The following ERGIC1 variants were observed in gnomAD, a reference collection of about 807,000 sequenced individuals.
ERGIC1 encodes the protein endoplasmic reticulum-golgi intermediate compartment 1, also known as endoplasmic reticulum-Golgi intermediate compartment protein 1.
A neutral mutation model predicts 38.3 loss-of-function variants in ERGIC1; 19 were observed. That is an observed-to-expected ratio of 0.50 (90% CI 0.35 to 0.73). ERGIC1 has a LOEUF of 0.73. Ranked by LOEUF, ERGIC1 falls within the 30% of genes least tolerant of loss-of-function variation. ERGIC1 has a pLI of 0.01. For missense variants in ERGIC1, 294 were observed against 389.2 expected (o/e 0.76, Z 2.06); for synonymous variants, 124 against 157.6 (o/e 0.79, Z 1.60).
At chr5:172,915,954 A>T (rs1763354425) in intron 5 of ERGIC1, 2 of 217,516 alleles carry the variant, frequency 9.2e-6, no homozygotes, top group African/African-American at 4.7e-5. Context: ...CATCAGAACC[A>T]GTATGAAAAG....
chr5:172,884,399 G>A (rs1184765960), intron 1 of ERGIC1, among the ~76,000 whole-genome samples: 2 of 151,800 alleles, frequency 1.3e-5, no homozygotes, highest in African/African-American at 2.4e-5. Flanking sequence ...ACACCACCAC[G>A]CCCAACTTTT....
At chr5:172,899,288 C>T (rs1006120272) in intron 3 of ERGIC1, among the ~76,000 whole-genome samples, 2 of 148,346 alleles carry the variant, frequency 1.3e-5, no homozygotes, top group Non-Finnish European at 3.0e-5. Context: ...TTCTGAGCTG[C>T]CAGGTAGAAT....
At chr5:172,944,421 C>T (rs1032794128) in intron 9 of ERGIC1, among the ~76,000 whole-genome samples, 5 of 151,964 alleles carry the variant, frequency 3.3e-5, no homozygotes, top group African/African-American at 7.3e-5. Flanking sequence ...TGCAGTGGCA[C>T]GATCTTGGCT....
At chr5:172,902,889 A>G (rs768839973) in intron 3 of ERGIC1, among the ~76,000 whole-genome samples, 14 of 152,088 alleles carry the variant, frequency 9.2e-5, no homozygotes, top group Non-Finnish European at 1.5e-4. Flanking sequence ...CAAAAAGCAA[A>G]TAAAATTGTT....
At chr5:172,906,474 G>C (rs1049473200) in intron 3 of ERGIC1, among the ~76,000 whole-genome samples, 3 of 152,162 alleles carry the variant, frequency 2.0e-5, no homozygotes, top group Non-Finnish European at 4.4e-5. Context: ...AGGCCCATCT[G>C]TTGCACTCTT....
chr5:172,921,840 G>A (rs1433756889), intron 5 of ERGIC1, among the ~76,000 whole-genome samples: 1 of 152,226 alleles, frequency 6.6e-6, no homozygotes, highest in Non-Finnish European at 1.5e-5. Context: ...CTGCCCAGAT[G>A]CCTTTCGCTC....
At position 172,846,487 on chromosome 5, in the gene ERGIC1, T is replaced by C. The variant is rs1012547040; in HGVS notation, c.20+12054T>C. ...AGTCATGATCTCATTTCACCATCAT[T>C]ACACACCTGCATGGTAGGAGGAACT... is the stretch of plus-strand genomic sequence containing the variant. On this transcript the variant is annotated intron_variant, in intron 1 of 9. Coordinates refer to ENST00000393784, the MANE Select transcript of ERGIC1 (RefSeq NM_001031711.3). The surrounding 1 kb of genome is among the most constrained non-coding windows in gnomAD (Gnocchi z 4.0). 1.3e-5 allele frequency among the ~76,000 whole-genome samples: 2 copies of C among 152,146 alleles called. No individual in the cohort carries two copies. The highest frequency in any genetic ancestry group is 2.9e-5 in the Non-Finnish European group (2 of 68,028).
At chr5:172,847,351 G>C (rs1480603691) in intron 1 of ERGIC1, among the ~76,000 whole-genome samples, 1 of 152,200 alleles carries the variant, frequency 6.6e-6, no homozygotes, top group African/African-American at 2.4e-5. Flanking sequence ...CAGTCTAGCA[G>C]TGTGCCCAGA....
intron 1 of ERGIC1, among the ~76,000 whole-genome samples, chr5:172,879,323 CTG>C (rs1275134825): frequency 2.0e-5 from 3 of 152,224 alleles, no homozygotes; most frequent in African/African-American, 7.2e-5. Flanking sequence ...ATTCCTCACT[CTG>C]TAGGCAAGAT....
chr5:172,915,072 C>G, intron 5 of ERGIC1: 1 of 725,224 alleles, frequency 1.4e-6, no homozygotes, highest in South Asian at 1.5e-5. Flanking sequence ...ACTCTTCTCT[C>G]CAGTGAGGGG....
chr5:172,865,513 A>G (rs937593112), intron 1 of ERGIC1, among the ~76,000 whole-genome samples: 2 of 152,216 alleles, frequency 1.3e-5, no homozygotes, highest in African/African-American at 2.4e-5. Flanking sequence ...TATCTTAAGT[A>G]TACAGCTCAA....
rs958256526 is a variant in ERGIC1, at chr5:172,951,465, A to C, written c.*649A>C. ...CCACCCCTTTCTTGTTCTTCCAAGA[A>C]GCAGATGCCCAGTTGCTCAGCAGCA... On this transcript the variant is annotated 3_prime_UTR_variant, in exon 10 of 10. Transcript: ENST00000393784. 6.6e-6 allele frequency: 1 copy of C among 152,380 alleles called. No individual in the cohort carries two copies. The highest frequency in any genetic ancestry group is 1.5e-5 in the Non-Finnish European group (1 of 68,172). 9.4% of individuals were successfully genotyped at this position (152,380 alleles called of 1,614,324 possible).
chr5:172,843,090 G>C (rs1212622378), intron 1 of ERGIC1, among the ~76,000 whole-genome samples: 1 of 152,200 alleles, frequency 6.6e-6, no homozygotes, highest in African/African-American at 2.4e-5. Context: ...AGGTTGCAGT[G>C]AGCCGAGATT....
At chr5:172,857,989 G>A (rs1761597984) in intron 1 of ERGIC1, among the ~76,000 whole-genome samples, 1 of 152,158 alleles carries the variant, frequency 6.6e-6, no homozygotes, top group African/African-American at 2.4e-5. Flanking sequence ...CTGCCCTCAT[G>A]GAGTCTTGGG....
At chr5:172,920,191 C>T (rs965563492) in intron 5 of ERGIC1, among the ~76,000 whole-genome samples, 6 of 152,130 alleles carry the variant, frequency 3.9e-5, no homozygotes, top group African/African-American at 9.7e-5. Context: ...GAGTAGAGAC[C>T]GTCCCCCACC....
intron 4 of ERGIC1, 68 bp downstream of exon 4, chr5:172,909,829 A>G: frequency 4.3e-6 from 6 of 1,399,012 alleles, no homozygotes; most frequent in Non-Finnish European, 6.1e-6. Context: ...GTGTGCAGAA[A>G]TGGCAAGATC....
intron 1 of ERGIC1, among the ~76,000 whole-genome samples, chr5:172,845,192 C>T (rs1761257411): frequency 6.6e-6 from 1 of 152,182 alleles, no homozygotes; most frequent in South Asian, 2.1e-4. Context: ...TGCAACCCCT[C>T]CGTGGATACC....
intron 9 of ERGIC1, among the ~76,000 whole-genome samples, chr5:172,946,355 G>T (rs765646518): frequency 6.6e-6 from 1 of 152,162 alleles, no homozygotes; most frequent in South Asian, 2.1e-4. Flanking sequence ...GCCAATCAGC[G>T]TCTTCCCTCC....
At chr5:172,892,073 T>TTTTTG (rs1561720669) in intron 2 of ERGIC1, among the ~76,000 whole-genome samples, 6 of 146,912 alleles carry the variant, frequency 4.1e-5, no homozygotes, top group South Asian at 2.1e-4. Context: ...TTTTTTTTTT[T>TTTTTG]TTTTTTTTTT....
Sources: gnomAD v4.1 joint callset for allele counts (sites outside exome capture counted in the v4.1 genomes callset) on GRCh38, gnomAD v4.1.1 for gene constraint, Gnocchi (gnomAD v3.1) non-coding constraint, MANE v1.5 for transcripts, NCBI Gene and HGNC (gene_info 2026-07-23, HGNC 2026-07-21) for gene names.